ZNF25: variants seen among roughly 807,000 people sequenced by gnomAD.
ZNF25 encodes the protein zinc finger protein 25, also known as zinc finger protein 25 (KOX 19).
A neutral mutation model predicts 30.9 loss-of-function variants in ZNF25; 21 were observed. That is an observed-to-expected ratio of 0.68 (90% confidence interval 0.48 to 0.98). The LOEUF is 0.98. Ranked by LOEUF, ZNF25 falls within the 50% of genes least tolerant of loss-of-function variation. The probability of loss-of-function intolerance (pLI) is 0.00; values close to 1 mark genes in which losing one functional copy is unlikely to be tolerated. For synonymous variants in ZNF25, 169 were observed against 181.3 expected (o/e 0.93, Z 0.55); for missense variants, 501 against 529.9 (o/e 0.95, Z 0.54).
chr10:37,963,689 C>G (rs981921440), intron 2 of ZNF25, among the ~76,000 whole-genome samples: 4 of 152,130 alleles, frequency 2.6e-5, no homozygotes, highest in African/African-American at 9.7e-5. Flanking sequence ...TTAAAAGAGT[C>G]TGGCACCAGG....
chr10:37,966,024 T>C (rs2063159727), intron 2 of ZNF25, among the ~76,000 whole-genome samples: 2 of 150,964 alleles, frequency 1.3e-5, no homozygotes, highest in Admixed American at 1.3e-4. Flanking sequence ...CTTAAAACAC[T>C]CACAAAAGGA....
rs1341768340 is a variant in ZNF25 at position 37,951,970 on chromosome 10, T to A, written c.*157A>T. 1 of 568,752 alleles carries A rather than the reference T, an allele frequency of 1.8e-6. No homozygotes were observed. The highest frequency in any genetic ancestry group is 2.9e-6 in the Non-Finnish European group (1 of 350,362). 35.2% of individuals were successfully genotyped at this position (568,752 alleles called of 1,614,324 possible). On this transcript the variant is annotated 3_prime_UTR_variant, in exon 6 of 6. Coordinates refer to ENST00000302609, the MANE Select transcript of ZNF25 (RefSeq NM_145011.4). ...GATAAAATTTTCTCCCAAATAAATG[T>A]ACAGAATCTCTCTATGTATTTGCTG...
rs1213627649 is a variant in ZNF25, at chr10:37,952,770, GC to G, written c.727del (p.Ala243HisfsTer139). Reference protein sequence around the residue: ...TECGKFFYVKAYLMVHQKTHT... With the variant: ...TECGKFFYVKXYLMVHQKTHT... ...TGTTTTCTGATGTACCATGAGGTATGCCTTCACATAGAAGAACTTCCCACAT... is the reference window on the plus strand; with the variant it reads ...TGTTTTCTGATGTACCATGAGGTATGCTTCACATAGAAGAACTTCCCACAT... On this transcript the variant is annotated frameshift_variant, in exon 6 of 6. Coordinates refer to ENST00000302609, the MANE Select transcript of ZNF25 (RefSeq NM_145011.4). LOFTEE classifies it high-confidence loss of function. The G allele has an allele frequency of 6.2e-7, 1 of 1,613,866 alleles. No individual in the cohort carries two copies. Among genetic ancestry groups the G allele is most frequent in the South Asian group, 1.1e-5 (1 of 91,074 alleles).
In ZNF25 at chr10:37,952,242, T is replaced by C. The variant is rs1288557586; in HGVS notation, c.1256A>G (p.Lys419Arg). ...CTCATAGGGCTTCTCCCCTGTGTGT[T>C]TTCTCTGATGTATAATAAAATGTGA... is the stretch of plus-strand genomic sequence containing the variant. ...QKSHFIIHQR[K>R]HTGEKPYECQ... Residue 419 changes from lysine to arginine, a missense_variant, in exon 6 of 6, where the codon AAA (lysine) becomes AGA (arginine). Coordinates refer to ENST00000302609, the MANE Select transcript of ZNF25 (RefSeq NM_145011.4). 1.3e-6 allele frequency: 2 copies of C among 1,595,522 alleles called. No individual in the cohort carries two copies. Among genetic ancestry groups the C allele is most frequent in the Non-Finnish European group, 1.7e-6 (2 of 1,172,056 alleles).
At chr10:37,967,567 A>C (rs540994847) in intron 2 of ZNF25, among the ~76,000 whole-genome samples, 27 of 151,960 alleles carry the variant, frequency 1.8e-4, no homozygotes, top group African/African-American at 6.5e-4. Context: ...CACACCACCC[A>C]CCTGGCTAAT....
intron 2 of ZNF25, among the ~76,000 whole-genome samples, chr10:37,967,664 A>C (rs1397722880): frequency 6.6e-6 from 1 of 152,108 alleles, no homozygotes; most frequent in Non-Finnish European, 1.5e-5. Context: ...CACTTCGGTC[A>C]CCTAAAGTGT....
intron 2 of ZNF25, among the ~76,000 whole-genome samples, chr10:37,966,866 T>C (rs1411890376): frequency 6.6e-6 from 1 of 152,208 alleles, no homozygotes; most frequent in Non-Finnish European, 1.5e-5. Context: ...TCACTTTAAA[T>C]AGATTAGACT....
At chr10:37,958,721 G>T (rs2062678370) in intron 2 of ZNF25, among the ~76,000 whole-genome samples, 1 of 151,906 alleles carries the variant, frequency 6.6e-6, no homozygotes, top group African/African-American at 2.4e-5. Flanking sequence ...GGAAGTTAAG[G>T]CTGCAGTGAG....
chr10:37,973,912 G>T (rs1172272589), intron 1 of ZNF25, among the ~76,000 whole-genome samples: 1 of 152,068 alleles, frequency 6.6e-6, no homozygotes, highest in Non-Finnish European at 1.5e-5. Context: ...AAAACAGTAG[G>T]TTACTGGCAT....
chr10:37,962,170 G>A lies in ZNF25; in HGVS notation c.16-4624C>T, dbSNP rs1033628785. On this transcript the variant is annotated intron_variant, in intron 2 of 5. Transcript: ENST00000302609. ...GGCAGAGAATTGCTTGAATCCAGGA[G>A]GCAGAGGTTGCAGTGAGCCAAGATT... Among the ~76,000 whole-genome samples, 5 of 151,644 alleles carry A rather than the reference G, an allele frequency of 3.3e-5. No homozygotes were observed. The South Asian group carries it at 1.0e-3, about 31-fold the overall frequency.
intron 2 of ZNF25, among the ~76,000 whole-genome samples, chr10:37,960,524 T>TGAGGCA (rs1231449934): frequency 7.0e-5 from 10 of 143,408 alleles, no homozygotes; most frequent in African/African-American, 2.6e-4. Context: ...CTCGGGAGGC[T>TGAGGCA]GAGGCAGGAG....
At chr10:37,957,157 G>A in intron 3 of ZNF25, 42 bp from the exon 4 acceptor site, 1 of 1,557,820 alleles carries the variant, frequency 6.4e-7, no homozygotes, top group East Asian at 2.2e-5. Context: ...AAATTGCTTG[G>A]AATTTAGGGA....
intron 2 of ZNF25, among the ~76,000 whole-genome samples, chr10:37,968,156 C>T (rs1314700516): frequency 6.6e-6 from 1 of 152,094 alleles, no homozygotes; most frequent in African/African-American, 2.4e-5. Context: ...CTCCCGGGTT[C>T]GAGCAATTCT....
Position 37,951,982 on chromosome 10 carries a change from CT to C in ZNF25, c.*144del, listed in dbSNP as rs1332168951. 1 of 640,036 alleles carries C rather than the reference CT, an allele frequency of 1.6e-6. No homozygotes were observed. Among genetic ancestry groups the C allele is most frequent in the African/African-American group, 1.8e-5 (1 of 54,138 alleles). 39.6% of individuals were successfully genotyped at this position (640,036 alleles called of 1,614,324 possible). A position where few individuals can be genotyped will look rare whatever the true frequency, so the allele number is the denominator to read the frequency against. ...TCCCAAATAAATGTACAGAATCTCTCTATGTATTTGCTGATACACAGAGAGA... is the reference window on the plus strand; with the variant it reads ...TCCCAAATAAATGTACAGAATCTCTCATGTATTTGCTGATACACAGAGAGA... On this transcript the variant is annotated 3_prime_UTR_variant, in exon 6 of 6. Transcript: ENST00000302609.
Position 37,953,201 on chromosome 10 carries a change from C to A in ZNF25, c.303-6G>T, listed in dbSNP as rs111575129. ...GTTTTGTGAGTTCTCCATTCCTAGA[C>A]AGAAAGTTCCACATTCATTAATGTG... On this transcript the variant is annotated splice_polypyrimidine_tract_variant and splice_region_variant and intron_variant, in intron 5 of 5. Coordinates refer to ENST00000302609, the MANE Select transcript of ZNF25 (RefSeq NM_145011.4). The A allele has an allele frequency of 6.4e-6, 10 of 1,565,662 alleles. No homozygotes were observed. Among genetic ancestry groups the A allele is most frequent in the Non-Finnish European group, 7.7e-6 (9 of 1,163,298 alleles).
rs1309887700 is a variant in ZNF25, at chr10:37,950,602, AAAT to A, written c.*1522_*1524del. On this transcript the variant is annotated 3_prime_UTR_variant, in exon 6 of 6. Coordinates refer to ENST00000302609, the MANE Select transcript of ZNF25 (RefSeq NM_145011.4). Reference sequence around the variant, plus strand: ...TTTTGCAGCGTAATTCACAAAATACAAATAATGATGATAACCTCTAACATATAG... The same window carrying A: ...TTTTGCAGCGTAATTCACAAAATACAAATGATGATAACCTCTAACATATAG... The A allele has an allele frequency of 2.6e-5, 4 of 152,298 alleles. No homozygotes were observed. Among genetic ancestry groups the A allele is most frequent in the Admixed American group, 6.6e-5 (1 of 15,242 alleles). The allele number at this position is 152,298 out of a possible 1,614,324, so 9.4% of individuals were successfully genotyped here.
chr10:37,959,663 G>C (rs981683473), intron 2 of ZNF25, among the ~76,000 whole-genome samples: 4 of 151,886 alleles, frequency 2.6e-5, no homozygotes, highest in Non-Finnish European at 5.9e-5. Flanking sequence ...AGGCTGGAGT[G>C]CAATGGTGCA....
At chr10:37,967,230 C>G (rs1307207564) in intron 2 of ZNF25, among the ~76,000 whole-genome samples, 1 of 152,106 alleles carries the variant, frequency 6.6e-6, no homozygotes, top group African/African-American at 2.4e-5. Context: ...TGCAAGGGGT[C>G]CCCAGTAGCC....
chr10:37,973,919 G>T (rs1199084829), intron 1 of ZNF25, among the ~76,000 whole-genome samples: 1 of 152,068 alleles, frequency 6.6e-6, no homozygotes, highest in Non-Finnish European at 1.5e-5. Flanking sequence ...TAGGTTACTG[G>T]CATAAAAAGA....
Sources: gnomAD v4.1 joint callset for allele counts (sites outside exome capture counted in the v4.1 genomes callset) on GRCh38, gnomAD v4.1.1 for gene constraint, MANE v1.5 for transcripts, NCBI Gene and HGNC (gene_info 2026-07-23, HGNC 2026-07-21) for gene names.